Variants in BMPER observed in about 807,000 individuals in gnomAD.
BMPER encodes BMP binding endothelial regulator, also known as BMP-binding endothelial regulator protein.
In BMPER, 45 loss-of-function variants were observed where a neutral mutation model predicts 87.3. The observed-to-expected ratio is 0.52, with a 90% CI of 0.41 to 0.66. BMPER has a LOEUF of 0.66. BMPER is among the 30% of genes least tolerant of loss of function. The pLI is 0.00. For missense variants in BMPER, 784 were observed against 867.5 expected (o/e 0.90, Z 1.21); for synonymous variants, 326 against 316.2 (o/e 1.03, Z -0.33).
chr7:33,944,135 A>AT (rs886375002), intron 3 of BMPER, among the ~76,000 whole-genome samples: 1 of 151,754 alleles, frequency 6.6e-6, no homozygotes, highest in Non-Finnish European at 1.5e-5. Flanking sequence ...TTTAAGAATG[A>AT]TTTTTTTCTT....
intron 6 of BMPER, among the ~76,000 whole-genome samples, chr7:33,989,924 G>T (rs984767705): frequency 2.0e-5 from 3 of 152,256 alleles, no homozygotes; most frequent in Admixed American, 1.3e-4. Flanking sequence ...TCAGATAGTT[G>T]TAGATATGCG....
At chr7:33,905,369 A>T, upstream of BMPER, 2 of 430,158 alleles carry the variant, frequency 4.6e-6, no homozygotes, top group South Asian at 4.4e-5. Flanking sequence ...GAAAAAAAAA[A>T]AAAAAGCCGC....
intron 3 of BMPER, among the ~76,000 whole-genome samples, chr7:33,960,863 T>C (rs149703731): frequency 4.5e-4 from 68 of 152,318 alleles, no homozygotes; most frequent in African/African-American, 1.4e-3. Flanking sequence ...AAATTAAGCA[T>C]TTATCAAGTG....
chr7:33,958,584 T>A (rs1184623940), intron 3 of BMPER, among the ~76,000 whole-genome samples: 1 of 152,212 alleles, frequency 6.6e-6, no homozygotes, highest in Non-Finnish European at 1.5e-5. Context: ...GACAACATTT[T>A]TACTACTGAA....
intron 6 of BMPER, among the ~76,000 whole-genome samples, chr7:33,995,548 A>C (rs961405204): frequency 2.6e-5 from 4 of 152,188 alleles, no homozygotes; most frequent in Non-Finnish European, 5.9e-5. Context: ...AGAAATGGAA[A>C]GGCATTCCAG....
chr7:33,986,613 C>T (rs1297524231), intron 6 of BMPER, among the ~76,000 whole-genome samples: 1 of 152,032 alleles, frequency 6.6e-6, no homozygotes, highest in African/African-American at 2.4e-5. Flanking sequence ...CCAACCACAA[C>T]CATTGCAAAA....
At chr7:34,087,547 A>G (rs913465405) in intron 13 of BMPER, among the ~76,000 whole-genome samples, 4 of 152,198 alleles carry the variant, frequency 2.6e-5, no homozygotes, top group Admixed American at 2.0e-4. Flanking sequence ...AAAAGAACCT[A>G]CCTTGAAGAG....
intron 2 of BMPER, chr7:33,921,892 G>A: frequency 6.4e-6 from 3 of 467,658 alleles, no homozygotes; most frequent in African/African-American, 2.0e-5. Context: ...TGAGGGCCAG[G>A]TGAAGCGGGA....
chr7:33,951,550 C>T (rs770278537), intron 3 of BMPER, among the ~76,000 whole-genome samples: 8 of 152,138 alleles, frequency 5.3e-5, no homozygotes, highest in Non-Finnish European at 1.2e-4. Context: ...TTCTTCTTAA[C>T]ACTAACCTCA....
chr7:34,069,931 C>T (rs925532660), intron 11 of BMPER, among the ~76,000 whole-genome samples: 1 of 152,140 alleles, frequency 6.6e-6, no homozygotes, highest in Non-Finnish European at 1.5e-5. Flanking sequence ...CTGTTCCCTT[C>T]CGCGTTAGTA....
chr7:34,050,305 T>G (rs1349889910), intron 7 of BMPER, among the ~76,000 whole-genome samples: 1 of 152,082 alleles, frequency 6.6e-6, no homozygotes, highest in Non-Finnish European at 1.5e-5. Context: ...ATTTTATGAG[T>G]GAAGTCAGTG....
intron 14 of BMPER, among the ~76,000 whole-genome samples, chr7:34,144,586 C>G (rs182817165): frequency 1.7e-3 from 203 of 121,926 alleles, no homozygotes; most frequent in African/African-American, 5.3e-3. Context: ...GGGAGAGAGT[C>G]TAGATTTTAG....
At chr7:34,029,134 TAGAA>T (rs1407309789) in intron 6 of BMPER, among the ~76,000 whole-genome samples, 3 of 152,012 alleles carry the variant, frequency 2.0e-5, no homozygotes, top group Non-Finnish European at 2.9e-5. Context: ...GACTGTTTCT[TAGAA>T]AGAAACATTG....
At chr7:34,110,391 A>G (rs570935450) in intron 13 of BMPER, among the ~76,000 whole-genome samples, 2 of 152,282 alleles carry the variant, frequency 1.3e-5, no homozygotes, top group East Asian at 1.9e-4. Context: ...GTGGATGCAC[A>G]GGTTAGCGTT....
chr7:34,105,238 G>A (rs954019264), intron 13 of BMPER, among the ~76,000 whole-genome samples: 14 of 152,332 alleles, frequency 9.2e-5, no homozygotes, highest in African/African-American at 3.4e-4. Context: ...AATGGAAGCT[G>A]TCAGGGCCAT....
intron 3 of BMPER, among the ~76,000 whole-genome samples, chr7:33,952,543 A>G (rs1272419103): frequency 6.6e-6 from 1 of 152,170 alleles, no homozygotes; most frequent in African/African-American, 2.4e-5. Flanking sequence ...TTGACACCGA[A>G]GCCCCTGCAG....
intron 11 of BMPER, among the ~76,000 whole-genome samples, chr7:34,078,374 G>A (rs942860983): frequency 6.6e-6 from 1 of 152,118 alleles, no homozygotes; most frequent in Non-Finnish European, 1.5e-5. Context: ...TTGAGTATCA[G>A]CTTTCCTTAA....
chr7:33,922,804 G>A (rs1021557414), intron 2 of BMPER, among the ~76,000 whole-genome samples: 4 of 152,168 alleles, frequency 2.6e-5, no homozygotes, highest in Non-Finnish European at 4.4e-5. Context: ...AAGTGTTCAG[G>A]TGGGGGTTAG....
At chr7:34,131,069 C>T (rs953669550) in intron 13 of BMPER, among the ~76,000 whole-genome samples, 4 of 152,078 alleles carry the variant, frequency 2.6e-5, no homozygotes, top group African/African-American at 9.7e-5. Context: ...CTCTCAGGGG[C>T]TCATCTGAGG....
Sources: allele counts gnomAD v4.1 joint callset (sites outside exome capture counted in the v4.1 genomes callset), GRCh38; gene constraint gnomAD v4.1.1; transcripts MANE v1.5; gene names NCBI Gene and HGNC (gene_info 2026-07-23, HGNC 2026-07-21).